The following NFIB variants were observed in gnomAD, a reference collection of about 807,000 sequenced individuals.
The protein encoded by NFIB is nuclear factor 1 B-type.
In NFIB, 11 loss-of-function variants were observed where a neutral mutation model predicts 61.5. That is an observed-to-expected ratio of 0.18 (90% CI 0.11 to 0.30). The LOEUF (loss-of-function observed/expected upper bound fraction) is 0.30. Among genes scored for constraint, NFIB ranks in the 10% least tolerant of loss-of-function variants. The pLI is 1.00. For missense variants in NFIB, 471 were observed against 608.9 expected, an observed-to-expected ratio of 0.77 and a Z score of 2.38; for synonymous variants, 260 against 216.5, an observed-to-expected ratio of 1.20 and a Z score of -1.76.
At chr9:14,219,380 G>GGAAAA (rs1563914477) in intron 2 of NFIB, among the ~76,000 whole-genome samples, 2 of 9,748 alleles carry the variant, frequency 2.1e-4, no homozygotes, top group African/African-American at 1.5e-3. Flanking sequence ...TAGCACTAGG[G>GGAAAA]TAAAAAAAAA....
chr9:14,187,542 G>C (rs2047514858), intron 2 of NFIB, among the ~76,000 whole-genome samples: 1 of 152,068 alleles, frequency 6.6e-6, no homozygotes, highest in South Asian at 2.1e-4. Context: ...ATTAACCAAA[G>C]AAAACTACAG....
intron 1 of NFIB, among the ~76,000 whole-genome samples, chr9:14,326,816 T>C (rs2060758847): frequency 6.6e-6 from 1 of 151,966 alleles, no homozygotes; most frequent in South Asian, 2.1e-4. Context: ...TTTATTGCAA[T>C]TGTTATGAAT....
At chr9:14,392,081 C>G (rs533444879) in intron 1 of NFIB, among the ~76,000 whole-genome samples, 4 of 152,214 alleles carry the variant, frequency 2.6e-5, no homozygotes, top group African/African-American at 9.6e-5. Flanking sequence ...AAGAAACATT[C>G]TATACAATAC....
At chr9:14,315,884 G>C (rs1477173461), upstream of NFIB, among the ~76,000 whole-genome samples, 1 of 151,798 alleles carries the variant, frequency 6.6e-6, no homozygotes, top group Non-Finnish European at 1.5e-5. Flanking sequence ...GGGATCCGGG[G>C]GGCGCTGGGG....
chr9:14,341,240 C>T (rs902283198), intron 1 of NFIB, among the ~76,000 whole-genome samples: 2 of 152,136 alleles, frequency 1.3e-5, no homozygotes, highest in African/African-American at 4.8e-5. Context: ...GCTGTCAGAA[C>T]TGGGGAATTT....
upstream of NFIB, among the ~76,000 whole-genome samples, chr9:14,316,527 A>C (rs2060545157): frequency 6.6e-6 from 1 of 152,256 alleles, no homozygotes; most frequent in South Asian, 2.1e-4. Flanking sequence ...GACAACGTTA[A>C]TTTCCTTTGT....
intron 2 of NFIB, among the ~76,000 whole-genome samples, chr9:14,237,762 CAGTGTGTGTGTGTGTGTG>C (rs2053897433): frequency 1.9e-5 from 2 of 105,810 alleles, no homozygotes; most frequent in African/African-American, 8.2e-5. Context: ...CTAGGTATAA[CAGTGTGTGTGTGTGTGTG>C]TGTGTGTGTG....
At position 14,112,773 on chromosome 9, in the gene NFIB, A is replaced by G. The variant is rs146044674; in HGVS notation, c.1467+226T>C. ...ACACTATTACTCATGGATGTTATCA[A>G]TATATGCTACAGAGATGGAAAAGGT... On this transcript the variant is annotated intron_variant, in intron 10 of 10. Coordinates refer to ENST00000380953, the MANE Select transcript of NFIB (RefSeq NM_001190737.2). 1.6e-4 allele frequency among the ~76,000 whole-genome samples: 24 copies of G among 152,336 alleles called. 1 individual carries two copies. Among genetic ancestry groups the G allele is most frequent in the African/African-American group, 5.1e-4 (21 of 41,574 alleles).
At chr9:14,449,295 T>C in the NFIB span, among the ~76,000 whole-genome samples, 5 of 152,184 alleles carry the variant, frequency 3.3e-5, no homozygotes, top group Admixed American at 2.6e-4. Context: ...CTCAAACTTA[T>C]ATGCACATTG....
chr9:14,250,187 C>G (rs1313954398), intron 2 of NFIB, among the ~76,000 whole-genome samples: 1 of 152,152 alleles, frequency 6.6e-6, no homozygotes, highest in Non-Finnish European at 1.5e-5. Context: ...GCCTGTTGAG[C>G]ACTTTTGTGC....
At chr9:14,282,044 A>G (rs1041522874) in intron 2 of NFIB, among the ~76,000 whole-genome samples, 1 of 152,242 alleles carries the variant, frequency 6.6e-6, no homozygotes, top group African/African-American at 2.4e-5. Flanking sequence ...AAAATATTCT[A>G]TTCCACAGCT....
At chr9:14,322,361 T>C (rs2060683124) in intron 1 of NFIB, 4 of 243,548 alleles carry the variant, frequency 1.6e-5, no homozygotes, top group Non-Finnish European at 3.2e-5. Flanking sequence ...GGTTTTATTG[T>C]TGTTTTAGCG....
the NFIB span, among the ~76,000 whole-genome samples, chr9:14,521,838 G>T: frequency 6.6e-6 from 1 of 152,204 alleles, no homozygotes; most frequent in Non-Finnish European, 1.5e-5. Flanking sequence ...TTGGCCAAAA[G>T]GCTTTGAATG....
At chr9:14,436,047 C>G in the NFIB span, among the ~76,000 whole-genome samples, 3 of 152,228 alleles carry the variant, frequency 2.0e-5, no homozygotes, top group African/African-American at 7.2e-5. Context: ...CGCTGATCCA[C>G]ATTTATTGCA....
intron 1 of NFIB, among the ~76,000 whole-genome samples, chr9:14,364,031 T>C (rs908748116): frequency 1.3e-5 from 2 of 152,210 alleles, no homozygotes; most frequent in African/African-American, 4.8e-5. Flanking sequence ...CTCTTAAACA[T>C]CTTTGAGCAG....
At chr9:14,094,923 G>A (rs2034542070) in intron 10 of NFIB, among the ~76,000 whole-genome samples, 1 of 151,614 alleles carries the variant, frequency 6.6e-6, no homozygotes, top group African/African-American at 2.4e-5. Flanking sequence ...TGGATTGAAT[G>A]TTAACTTTAC....
chr9:14,392,495 A>C (rs749023951), intron 1 of NFIB, among the ~76,000 whole-genome samples: 3 of 152,240 alleles, frequency 2.0e-5, no homozygotes, highest in Non-Finnish European at 2.9e-5. Context: ...TGGGAGGCCA[A>C]GGCTGATGGA....
the NFIB span, among the ~76,000 whole-genome samples, chr9:14,470,282 CCT>C: frequency 6.6e-6 from 1 of 152,104 alleles, no homozygotes; most frequent in South Asian, 2.1e-4. Context: ...TCCATTTTCT[CCT>C]CTCTTTACTC....
At chr9:14,216,637 G>C (rs2050959632) in intron 2 of NFIB, among the ~76,000 whole-genome samples, 1 of 151,140 alleles carries the variant, frequency 6.6e-6, no homozygotes, top group African/African-American at 2.4e-5. Context: ...GTGAACCTCA[G>C]AAGAGAGATG....
Sources: gnomAD v4.1 joint callset for allele counts (sites outside exome capture counted in the v4.1 genomes callset) on GRCh38, gnomAD v4.1.1 for gene constraint, MANE v1.5 for transcripts, NCBI Gene and HGNC (gene_info 2026-07-23, HGNC 2026-07-21) for gene names.